Variants in RAB26 observed in about 807,000 individuals in gnomAD.
The protein encoded by RAB26 is ras-related protein Rab-26.
RAB26 carries 39 observed loss-of-function variants against 33.1 expected under a neutral mutation model. The observed-to-expected ratio is 1.18, with a 90% confidence interval of 0.91 to 1.54. The LOEUF is 1.54. Ranked by LOEUF, RAB26 falls within the 40% of genes most tolerant of loss-of-function variation. The probability of loss-of-function intolerance (pLI) is 0.00; values close to 1 mark genes in which losing one functional copy is unlikely to be tolerated. For missense variants in RAB26, 468 were observed against 362.9 expected (o/e 1.29, Z -2.35); for synonymous variants, 192 against 151.9 (o/e 1.26, Z -1.94).
At chr16:2,149,876 G>A in intron 1 of RAB26, 65 bp from the exon 2 acceptor site, 2 of 1,292,716 alleles carry the variant, frequency 1.5e-6, no homozygotes, top group African/African-American at 1.5e-5. Flanking sequence ...CTCACCTGCA[G>A]CCCCCTTCTG....
At chr16:2,149,303 CTTT>C (rs756125935) in intron 1 of RAB26, among the ~76,000 whole-genome samples, 133 of 116,010 alleles carry the variant, frequency 1.1e-3, no homozygotes, top group Admixed American at 1.9e-3. Context: ...GGCTGTGGGC[CTTT>C]TTTTTTTTTT....
chr16:2,150,129 G>A, intron 2 of RAB26, 78 bp downstream of exon 2: 2 of 1,319,114 alleles, frequency 1.5e-6, no homozygotes, highest in Non-Finnish European at 2.1e-6. Flanking sequence ...GATCCCCATG[G>A]TACCAACAGG....
At chr16:2,149,838 C>A in intron 1 of RAB26, 103 bp from the exon 2 acceptor site, 1 of 852,422 alleles carries the variant, frequency 1.2e-6, no homozygotes, top group African/African-American at 1.8e-5. Flanking sequence ...AGCCTGCAGG[C>A]CTGGGCTGCC....
chr16:2,151,620 C>T lies in RAB26; in HGVS notation c.348+10C>T. Reference sequence around the variant, plus strand: ...GAAGGTGAAGCTGCAGGTAAGGTGACTGGCAGAGGACAAGTTGGGGGACAG... The same window carrying T: ...GAAGGTGAAGCTGCAGGTAAGGTGATTGGCAGAGGACAAGTTGGGGGACAG... On this transcript the variant is annotated intron_variant, in intron 3 of 8. Transcript: ENST00000210187. 1.9e-6 allele frequency: 3 copies of T among 1,614,050 alleles called. No homozygotes were observed. Among genetic ancestry groups the T allele is most frequent in the Non-Finnish European group, 2.5e-6 (3 of 1,180,022 alleles).
In RAB26 at chr16:2,153,951, G is replaced by C. The variant is rs928555064; in HGVS notation, c.*530G>C. 2.3e-5 allele frequency: 9 copies of C among 399,042 alleles called. No homozygotes were observed. The highest frequency in any genetic ancestry group is 4.0e-5 in the Non-Finnish European group (8 of 198,068). 24.7% of individuals were successfully genotyped at this position (399,042 alleles called of 1,614,324 possible). On this transcript the variant is annotated 3_prime_UTR_variant, in exon 9 of 9. Coordinates refer to ENST00000210187, the MANE Select transcript of RAB26 (RefSeq NM_014353.5). ...AATAGGGTCTTCCTCACTGACCTTG[G>C]AGGATGCCTGTGGCCTTGTGATAAA...
Position 2,153,777 on chromosome 16 carries a change from T to G in RAB26, c.*356T>G. 2.1e-6 allele frequency: 1 copy of G among 487,690 alleles called. No homozygotes were observed. The allele number at this position is 487,690 out of a possible 1,614,324, so 30.2% of individuals were successfully genotyped here. A position where few individuals can be genotyped will look rare whatever the true frequency, so the allele number is the denominator to read the frequency against. On this transcript the variant is annotated 3_prime_UTR_variant, in exon 9 of 9. Coordinates refer to ENST00000210187, the MANE Select transcript of RAB26 (RefSeq NM_014353.5). ...AGTGCCTAACCCTAGAAAAGCCATG[T>G]CTTCAGCCGCACATGCTCAGGCAGC...
chr16:2,149,418 C>G (rs1057080094), intron 1 of RAB26, among the ~76,000 whole-genome samples: 3 of 151,080 alleles, frequency 2.0e-5, no homozygotes, highest in African/African-American at 7.3e-5. Flanking sequence ...GCTGGGAGGA[C>G]CATTTTGGGT....
At position 2,153,502 on chromosome 16, in the gene RAB26, T is replaced by G; in HGVS notation, c.*81T>G. 1 of 1,383,694 alleles carries G rather than the reference T, an allele frequency of 7.2e-7. No homozygotes were observed. Among genetic ancestry groups the G allele is most frequent in the South Asian group, 1.2e-5 (1 of 81,566 alleles). The allele number at this position is 1,383,694 out of a possible 1,614,324, so 85.7% of individuals were successfully genotyped here. ...AGAGGGTCTCCAGGCCCTTCTGACTTTGTTGCCCAGTGGCCAACGCCCGAG... is the reference window on the plus strand; with the variant it reads ...AGAGGGTCTCCAGGCCCTTCTGACTGTGTTGCCCAGTGGCCAACGCCCGAG... On this transcript the variant is annotated 3_prime_UTR_variant, in exon 9 of 9. Transcript: ENST00000210187.
At chr16:2,153,247 TC>T in intron 8 of RAB26, 25 bp downstream of exon 8, 1 of 1,613,520 alleles carries the variant, frequency 6.2e-7, no homozygotes. Context: ...TCACCAGGAC[TC>T]CCCCAGCCCA....
Position 2,151,700 on chromosome 16 carries a change from G to A in RAB26, c.354G>A (p.Trp118Ter). The A allele has an allele frequency of 8.1e-6, 13 of 1,613,988 alleles. No individual in the cohort carries two copies. Among genetic ancestry groups the A allele is most frequent in the Non-Finnish European group, 1.0e-5 (12 of 1,180,028 alleles). Residue 118 changes from tryptophan (W) to a stop codon, truncating the protein, a stop_gained, in exon 4 of 9, where the codon TGG (tryptophan) becomes TGA (stop). Coordinates refer to ENST00000210187, the MANE Select transcript of RAB26 (RefSeq NM_014353.5). LOFTEE classifies it high-confidence loss of function. Reference sequence around the variant, plus strand: ...ACCAGTGCCTGTCGCTGCAGATGTGGGACACAGCTGGTCAGGAGCGGTTCC... The same window carrying A: ...ACCAGTGCCTGTCGCTGCAGATGTGAGACACAGCTGGTCAGGAGCGGTTCC... ...VDGVKVKLQM[W>*]DTAGQERFRS...
Position 2,153,744 on chromosome 16 carries a change from C to A in RAB26, c.*323C>A. ...AGGTGAGGGAGGGCTGGGGCTGGCACCACGCACAGTGCCTAACCCTAGAAA... is the reference window on the plus strand; with the variant it reads ...AGGTGAGGGAGGGCTGGGGCTGGCAACACGCACAGTGCCTAACCCTAGAAA... On this transcript the variant is annotated 3_prime_UTR_variant, in exon 9 of 9. Transcript: ENST00000210187. 1.8e-6 allele frequency: 1 copy of A among 550,906 alleles called. No individual in the cohort carries two copies. The allele number at this position is 550,906 out of a possible 1,614,324, so 34.1% of individuals were successfully genotyped here. A position where few individuals can be genotyped will look rare whatever the true frequency, so the allele number is the denominator to read the frequency against.
Position 2,153,792 on chromosome 16 carries a change from G to C in RAB26, c.*371G>C, listed in dbSNP as rs1442423742. On this transcript the variant is annotated 3_prime_UTR_variant, in exon 9 of 9. Transcript: ENST00000210187. The stretch of plus-strand genomic sequence containing the variant: ...AAAAGCCATGTCTTCAGCCGCACAT[G>C]CTCAGGCAGCTAAGGGAGGACGCCT... 2 of 474,606 alleles carry C rather than the reference G, an allele frequency of 4.2e-6. No homozygotes were observed. Among genetic ancestry groups the C allele is most frequent in the East Asian group, 1.3e-4 (2 of 15,450 alleles). 29.4% of individuals were successfully genotyped at this position (474,606 alleles called of 1,614,324 possible).
chr16:2,149,872 T>C, intron 1 of RAB26, 69 bp from the exon 2 acceptor site: 1 of 1,258,664 alleles, frequency 7.9e-7, no homozygotes, highest in Non-Finnish European at 1.1e-6. Flanking sequence ...GCTCCTCACC[T>C]GCAGCCCCCT....
rs1165973927 is a variant in RAB26 at position 2,149,968 on chromosome 16, G to A, written c.223G>A (p.Gly75Arg). 2 of 1,541,038 alleles carry A rather than the reference G, an allele frequency of 1.3e-6. No individual in the cohort carries two copies. The highest frequency in any genetic ancestry group is 2.8e-5 in the African/African-American group (2 of 72,370). The change falls in exon 2 of 9, where the codon GGG becomes AGG. Residue 75 changes from glycine (G) to arginine (R), a missense_variant. Gly to Arg is a moderately radical substitution (Grantham distance 125). Transcript: ENST00000210187. ...KVMLVGDSGV[G>R]KTCLLVRFKD... ...CATGCTGGTGGGGGACTCGGGTGTGGGGAAGACCTGTCTGCTGGTGCGATT... is the reference window on the plus strand; with the variant it reads ...CATGCTGGTGGGGGACTCGGGTGTGAGGAAGACCTGTCTGCTGGTGCGATT...
intron 5 of RAB26, 128 bp downstream of exon 5, chr16:2,152,036 T>C: frequency 7.4e-7 from 1 of 1,347,558 alleles, no homozygotes; most frequent in Non-Finnish European, 1.0e-6. Flanking sequence ...ATGACAGCCT[T>C]CTGGGCTGGA....
intron 5 of RAB26, 122 bp from the exon 6 acceptor site, chr16:2,152,693 CAAAAA>C (rs58347017): frequency 2.1e-3 from 737 of 348,744 alleles, no homozygotes; most frequent in East Asian, 2.5e-3. Context: ...ACTCTTGTCT[CAAAAA>C]AAAAAAAAAA....
rs755541208 is a variant in RAB26, at chr16:2,153,231, T to G, written c.668+9T>G. 1 of 1,613,656 alleles carries G rather than the reference T, an allele frequency of 6.2e-7. No individual in the cohort carries two copies. Among genetic ancestry groups the G allele is most frequent in the African/African-American group, 1.3e-5 (1 of 74,948 alleles). ...TTCACAGCCATAGCAAAGTAAGTCC[T>G]GCCAGTCACCAGGACTCCCCCAGCC... On this transcript the variant is annotated intron_variant, in intron 8 of 8. Transcript: ENST00000210187.
Position 2,153,338 on chromosome 16 carries a change from A to C in RAB26, c.688A>C (p.Met230Leu), listed in dbSNP as rs1422589531. The change falls in exon 9 of 9, where the codon ATG (methionine) becomes CTG (leucine). Residue 230 changes from methionine (M) to leucine (L), a missense_variant. Physicochemically the swap from Met to Leu is conservative, Grantham distance 15. Transcript: ENST00000210187. ...AIAKELKQRS[M>L]KAPSEPRFRL... ...CCGCAGGGAGTTGAAGCAGCGCTCC[A>C]TGAAGGCTCCCAGCGAGCCGCGCTT... 6.2e-7 allele frequency: 1 copy of C among 1,613,528 alleles called. No homozygotes were observed. Among genetic ancestry groups the C allele is most frequent in the Non-Finnish European group, 8.5e-7 (1 of 1,180,012 alleles).
chr16:2,151,937 G>A (rs2093006429), intron 5 of RAB26, 29 bp downstream of exon 5: 2 of 1,613,508 alleles, frequency 1.2e-6, no homozygotes, highest in South Asian at 1.1e-5. Flanking sequence ...GGGGTGAAAG[G>A]GCCCTGATAG....
Sources: allele counts gnomAD v4.1 joint callset (sites outside exome capture counted in the v4.1 genomes callset), GRCh38; gene constraint gnomAD v4.1.1; transcripts MANE v1.5; gene names NCBI Gene and HGNC (gene_info 2026-07-23, HGNC 2026-07-21).